DLC1: variants seen among roughly 807,000 people sequenced by gnomAD.
DLC1 encodes the protein DLC1 Rho GTPase activating protein, also known as rho GTPase-activating protein 7.
Under a neutral mutation model 140.3 loss-of-function variants are expected in DLC1, and 54 were observed. The observed-to-expected ratio is 0.38, with a 90% CI of 0.31 to 0.48. The LOEUF is 0.48. DLC1 is among the 20% of genes least tolerant of loss of function. The pLI is 0.96. For synonymous variants in DLC1, 986 were observed against 728.1 expected, an observed-to-expected ratio of 1.35 and a Z score of -5.70; for missense variants, 2,536 against 1,907.0, an observed-to-expected ratio of 1.33 and a Z score of -6.14.
Position 13,369,859 on chromosome 8 carries a change from C to T in DLC1, c.1314+23694G>A, listed in dbSNP as rs371994363. On this transcript the variant is annotated intron_variant, in intron 4 of 17. Transcript: ENST00000276297. ...GCTCTCCGATCGTCTCCTCAGAGCC[C>T]TCCCCTGGCTTCTCATCTCACTCAG... Among the ~76,000 whole-genome samples the T allele has an allele frequency of 1.1e-4, 16 of 151,234 alleles. 1 individual carries two copies. Among genetic ancestry groups the T allele is most frequent in the African/African-American group, 3.9e-4 (16 of 41,110 alleles).
chr8:13,109,328 T>G (rs548253844), intron 7 of DLC1, among the ~76,000 whole-genome samples: 1 of 152,104 alleles, frequency 6.6e-6, no homozygotes, highest in East Asian at 1.9e-4. Flanking sequence ...GAGGCCGAGA[T>G]GGATGACTGC....
At chr8:13,183,736 T>A (rs1826175237) in intron 5 of DLC1, among the ~76,000 whole-genome samples, 2 of 152,184 alleles carry the variant, frequency 1.3e-5, no homozygotes, top group Admixed American at 1.3e-4. Context: ...TACTGAGGAT[T>A]TTTGCATCGA....
At chr8:13,128,731 A>G (rs1368203757) in intron 5 of DLC1, among the ~76,000 whole-genome samples, 1 of 151,860 alleles carries the variant, frequency 6.6e-6, no homozygotes, top group African/African-American at 2.4e-5. Context: ...GCTACTCGGG[A>G]GGCTGGGGCA....
At chr8:13,106,104 A>G (rs766828127) in intron 7 of DLC1, among the ~76,000 whole-genome samples, 14 of 152,106 alleles carry the variant, frequency 9.2e-5, no homozygotes, top group Non-Finnish European at 2.1e-4. Flanking sequence ...GGAGGAGTGC[A>G]AGGCTGGCCT....
chr8:13,401,903 C>G (rs1198909570), intron 2 of DLC1, among the ~76,000 whole-genome samples: 3 of 152,050 alleles, frequency 2.0e-5, no homozygotes, highest in Non-Finnish European at 4.4e-5. Context: ...TTACTATTTT[C>G]CCACTACCTA....
chr8:13,570,959 G>A (rs1804633388), intron 1 of DLC1, among the ~76,000 whole-genome samples: 2 of 152,142 alleles, frequency 1.3e-5, no homozygotes, highest in Admixed American at 6.5e-5. Flanking sequence ...GGTATCTTGG[G>A]ATGAGAGCAC....
At chr8:13,490,706 A>T (rs1036132499) in intron 2 of DLC1, among the ~76,000 whole-genome samples, 1 of 152,172 alleles carries the variant, frequency 6.6e-6, no homozygotes, top group African/African-American at 2.4e-5. Context: ...CACTATTACG[A>T]TGGCCTCCAA....
At chr8:13,438,436 A>T (rs905046255) in intron 2 of DLC1, among the ~76,000 whole-genome samples, 1 of 152,170 alleles carries the variant, frequency 6.6e-6, no homozygotes, top group South Asian at 2.1e-4. Flanking sequence ...TTTGAAAAAA[A>T]TAGCCAGAAT....
At chr8:13,421,563 T>C (rs191025315) in intron 2 of DLC1, among the ~76,000 whole-genome samples, 9 of 152,276 alleles carry the variant, frequency 5.9e-5, no homozygotes, top group African/African-American at 2.2e-4. Context: ...ACTTTTCAGG[T>C]GCACTGATTA....
chr8:13,207,308 C>T (rs1181056015), intron 5 of DLC1, among the ~76,000 whole-genome samples: 1 of 152,076 alleles, frequency 6.6e-6, no homozygotes, highest in Non-Finnish European at 1.5e-5. Context: ...TTTCAGTAGA[C>T]TCCTTTGGGT....
intron 2 of DLC1, among the ~76,000 whole-genome samples, chr8:13,466,137 CT>C (rs1170832932): frequency 6.6e-6 from 1 of 152,166 alleles, no homozygotes; most frequent in Non-Finnish European, 1.5e-5. Context: ...CTCACACCTG[CT>C]TGTTCTAAAC....
chr8:13,390,248 CT>C (rs2117200316), intron 4 of DLC1, among the ~76,000 whole-genome samples: 1 of 152,108 alleles, frequency 6.6e-6, no homozygotes, highest in Admixed American at 6.6e-5. Context: ...AATGATTCCC[CT>C]CAAAACAAAA....
At chr8:13,571,649 C>A (rs1319298963) in intron 1 of DLC1, among the ~76,000 whole-genome samples, 1 of 152,100 alleles carries the variant, frequency 6.6e-6, no homozygotes, top group African/African-American at 2.4e-5. Flanking sequence ...GGCTATTGTG[C>A]GTAATGCTGC....
Position 13,115,585 on chromosome 8 carries a change from C to T in DLC1, c.1420+1G>A. ...TTTAAAAAGTGGCATTCCCAGCTTA[C>T]CTTCATAAAGCTGTGCATACTGGGG... On this transcript the variant is annotated splice_donor_variant, in intron 6 of 17. Transcript: ENST00000276297. LOFTEE classifies it high-confidence loss of function. 1 of 1,611,886 alleles carries T rather than the reference C, an allele frequency of 6.2e-7. No homozygotes were observed. The highest frequency in any genetic ancestry group is 1.1e-5 in the South Asian group (1 of 90,452).
chr8:13,385,296 C>G (rs775777062), intron 4 of DLC1, among the ~76,000 whole-genome samples: 4 of 152,044 alleles, frequency 2.6e-5, no homozygotes, highest in Non-Finnish European at 4.4e-5. Context: ...ATAAAGCAAT[C>G]TACAGTAAAG....
intron 5 of DLC1, among the ~76,000 whole-genome samples, chr8:13,245,027 G>A (rs28729801): frequency 0.02 from 3,079 of 152,254 alleles, 101 homozygotes; most frequent in African/African-American, 0.071. Context: ...CTTATGTTAA[G>A]GCAGGAGTAT....
chr8:13,308,170 T>G (rs1298024363), intron 4 of DLC1, among the ~76,000 whole-genome samples: 3 of 152,190 alleles, frequency 2.0e-5, no homozygotes, highest in Admixed American at 2.0e-4. Context: ...TGATAATCAG[T>G]GAGTTGGGGT....
At chr8:13,512,966 C>CTTTTTT (rs57239531) in intron 1 of DLC1, among the ~76,000 whole-genome samples, 1 of 139,968 alleles carries the variant, frequency 7.1e-6, no homozygotes, top group African/African-American at 2.7e-5. Flanking sequence ...ACAGTTTTAC[C>CTTTTTT]TTTTTTTTTT....
At chr8:13,366,962 G>A (rs931147158) in intron 4 of DLC1, among the ~76,000 whole-genome samples, 2 of 151,978 alleles carry the variant, frequency 1.3e-5, no homozygotes, top group Non-Finnish European at 2.9e-5. Context: ...CGTGCATGGG[G>A]CACACTTTTC....
Sources: gnomAD v4.1 joint callset for allele counts (sites outside exome capture counted in the v4.1 genomes callset) on GRCh38, gnomAD v4.1.1 for gene constraint, MANE v1.5 for transcripts, NCBI Gene and HGNC (gene_info 2026-07-23, HGNC 2026-07-21) for gene names.